The following ADD3 variants were observed in gnomAD, a reference collection of about 807,000 sequenced individuals.
ADD3 encodes gamma-adducin.
ADD3 carries 25 observed loss-of-function variants against 80.2 expected under a neutral mutation model. The ratio of observed to expected loss-of-function variants is 0.31; its 90% CI spans 0.23 to 0.44. The LOEUF (loss-of-function observed/expected upper bound fraction) is 0.44, where lower values mean the gene tolerates loss of function less well. Among genes scored for constraint, ADD3 ranks in the 20% least tolerant of loss-of-function variants. The pLI, the probability that ADD3 is intolerant of heterozygous loss-of-function variation, is 1.00. For missense variants in ADD3, 829 were observed against 847.5 expected (o/e 0.98, Z 0.27); for synonymous variants, 284 against 289.6 (o/e 0.98, Z 0.20).
chr10:110,069,550 T>C (rs931517045), intron 1 of ADD3, among the ~76,000 whole-genome samples: 21 of 152,178 alleles, frequency 1.4e-4, no homozygotes, highest in African/African-American at 5.1e-4. Context: ...GTTGTGTTTT[T>C]TTTTTCCCCT....
chr10:110,064,883 C>A (rs1589950396), intron 1 of ADD3, among the ~76,000 whole-genome samples: 1 of 152,054 alleles, frequency 6.6e-6, no homozygotes, highest in South Asian at 2.1e-4. Flanking sequence ...CATGGCAAAA[C>A]CTTATCTCTA....
chr10:110,052,183 C>CT (rs1449248871), intron 1 of ADD3, among the ~76,000 whole-genome samples: 1 of 152,124 alleles, frequency 6.6e-6, no homozygotes, highest in Admixed American at 6.5e-5. Flanking sequence ...CAATAATTTT[C>CT]TTTTATAGAG....
intron 1 of ADD3, among the ~76,000 whole-genome samples, chr10:110,047,337 T>A (rs922733451): frequency 1.3e-5 from 2 of 152,240 alleles, no homozygotes; most frequent in Non-Finnish European, 2.9e-5. Flanking sequence ...AATGTACTTA[T>A]AGTTGGAGAC....
intron 1 of ADD3, among the ~76,000 whole-genome samples, chr10:110,096,442 A>G (rs1377797987): frequency 6.6e-6 from 1 of 152,214 alleles, no homozygotes; most frequent in African/African-American, 2.4e-5. Flanking sequence ...TTTTCACTTT[A>G]GTTATCTGTT....
chr10:110,081,886 T>G (rs574357102), intron 1 of ADD3, among the ~76,000 whole-genome samples: 1 of 152,306 alleles, frequency 6.6e-6, no homozygotes, highest in Non-Finnish European at 1.5e-5. Context: ...TACAGGATGT[T>G]GAACAAACTT....
chr10:110,055,256 T>C (rs953341760), intron 1 of ADD3, among the ~76,000 whole-genome samples: 1 of 152,328 alleles, frequency 6.6e-6, no homozygotes, highest in South Asian at 2.1e-4. Context: ...AATTATGGTA[T>C]TGCATGACCA....
chr10:110,030,829 C>A (rs769538561), intron 1 of ADD3, among the ~76,000 whole-genome samples: 6 of 151,606 alleles, frequency 4.0e-5, no homozygotes, highest in Non-Finnish European at 8.8e-5. Context: ...TATTACAGTG[C>A]TGTTTTGAGA....
chr10:110,049,378 C>A (rs1242748194), intron 1 of ADD3, among the ~76,000 whole-genome samples: 1 of 152,194 alleles, frequency 6.6e-6, no homozygotes, highest in African/African-American at 2.4e-5. Context: ...GGGCCACTGT[C>A]CTCTAGACCC....
At chr10:110,050,265 C>G (rs1857357077) in intron 1 of ADD3, among the ~76,000 whole-genome samples, 1 of 152,062 alleles carries the variant, frequency 6.6e-6, no homozygotes, top group South Asian at 2.1e-4. Flanking sequence ...ATTGTAGCTC[C>G]CATAATTCCC....
chr10:110,126,576 A>G lies in ADD3; in HGVS notation c.1608+73A>G, dbSNP rs577015216. The G allele has an allele frequency of 1.0e-4, 110 of 1,102,362 alleles. No homozygotes were observed. In the African/African-American group the frequency reaches 1.7e-3, roughly 17 times the overall value. The allele number at this position is 1,102,362 out of a possible 1,614,324, so 68.3% of individuals were successfully genotyped here. ...ATTTCATTGATTTTTAAATATGAAT[A>G]TTTATTTTTACTAAGGTTAATATAA... On this transcript the variant is annotated intron_variant, in intron 12 of 14. Coordinates refer to ENST00000356080, the MANE Select transcript of ADD3 (RefSeq NM_016824.5).
At chr10:110,001,414 C>CAAAA (rs35498781), upstream of ADD3, among the ~76,000 whole-genome samples, 2 of 120,296 alleles carry the variant, frequency 1.7e-5, no homozygotes, top group Non-Finnish European at 3.5e-5. Context: ...GACCCTGTCT[C>CAAAA]AAAAAAAAAA....
At position 110,117,412 on chromosome 10, in the gene ADD3, C is replaced by T; in HGVS notation, c.557C>T (p.Ala186Val). Residue 186 changes from alanine (A) to valine (V), a missense_variant, in exon 5 of 15, where the codon GCC (alanine) becomes GTC (valine). By Grantham distance (64) the Ala-to-Val change is moderately conservative (BLOSUM62 0). Coordinates refer to ENST00000356080, the MANE Select transcript of ADD3 (RefSeq NM_016824.5). ...PRGLSFSEAT[A>V]SNLVKVNIIG... ...GGCCTATCTTTTTCTGAAGCTACAG[C>T]CTCCAATTTGGTATAATTTTCCATT... 1 of 1,595,004 alleles carries T rather than the reference C, an allele frequency of 6.3e-7. No homozygotes were observed. Among genetic ancestry groups the T allele is most frequent in the Non-Finnish European group, 8.6e-7 (1 of 1,162,982 alleles).
intron 5 of ADD3, among the ~76,000 whole-genome samples, chr10:110,117,971 G>T (rs937386680): frequency 2.0e-5 from 3 of 149,066 alleles, no homozygotes; most frequent in Non-Finnish European, 4.4e-5. Flanking sequence ...AGCCAAGATC[G>T]CACCATTGCA....
In ADD3 at chr10:110,133,830, A is replaced by G. The variant is rs1853381153; in HGVS notation, c.*212A>G. 2 of 405,254 alleles carry G rather than the reference A, an allele frequency of 4.9e-6. No homozygotes were observed. The highest frequency in any genetic ancestry group is 8.7e-6 in the Non-Finnish European group (2 of 230,522). The allele number at this position is 405,254 out of a possible 1,614,324, so 25.1% of individuals were successfully genotyped here. A position where few individuals can be genotyped will look rare whatever the true frequency, so the allele number is the denominator to read the frequency against. The stretch of plus-strand genomic sequence containing the variant: ...AAATGGCTTTGAATTTTAAGCAATT[A>G]CTAGTTTTAATTAGCTCTGCCCTCA... On this transcript the variant is annotated 3_prime_UTR_variant, in exon 15 of 15. Coordinates refer to ENST00000356080, the MANE Select transcript of ADD3 (RefSeq NM_016824.5).
At chr10:110,054,643 C>T (rs1459279138) in intron 1 of ADD3, among the ~76,000 whole-genome samples, 4 of 148,876 alleles carry the variant, frequency 2.7e-5, no homozygotes, top group Admixed American at 6.7e-5. Flanking sequence ...GACGGAGTCT[C>T]GCTCTGTCCC....
chr10:110,087,206 T>C (rs1846892418), intron 1 of ADD3, among the ~76,000 whole-genome samples: 2 of 151,964 alleles, frequency 1.3e-5, no homozygotes, highest in Admixed American at 1.3e-4. Flanking sequence ...TTTTTGTATT[T>C]TTAGTAGGGA....
At chr10:110,124,386 T>C (rs1321733626) in intron 10 of ADD3, 112 bp downstream of exon 10, 1 of 1,253,928 alleles carries the variant, frequency 8.0e-7, no homozygotes, top group Non-Finnish European at 1.1e-6. Context: ...TTAAAAATAT[T>C]ACTGTCACTT....
chr10:110,108,059 C>G (rs1472110374), intron 2 of ADD3, among the ~76,000 whole-genome samples: 2 of 152,078 alleles, frequency 1.3e-5, no homozygotes, highest in African/African-American at 4.8e-5. Context: ...CTAACCAGTT[C>G]TTCTCTAGTG....
upstream of ADD3, among the ~76,000 whole-genome samples, chr10:110,003,572 C>T (rs926893777): frequency 3.9e-5 from 6 of 152,118 alleles, no homozygotes; most frequent in Admixed American, 2.0e-4. Context: ...TATAATCCAC[C>T]GCCACCACCA....
Sources: gnomAD v4.1 joint callset for allele counts (sites outside exome capture counted in the v4.1 genomes callset) on GRCh38, gnomAD v4.1.1 for gene constraint, MANE v1.5 for transcripts, NCBI Gene and HGNC (gene_info 2026-07-23, HGNC 2026-07-21) for gene names.